Variants in CFAP57 observed in about 807,000 individuals in gnomAD.
The protein encoded by CFAP57 is cilia- and flagella-associated protein 57.
CFAP57 carries 116 observed loss-of-function variants against 146.8 expected under a neutral mutation model. That is an observed-to-expected ratio of 0.79 (90% CI 0.68 to 0.92). CFAP57 has a LOEUF of 0.92. Ranked by LOEUF, CFAP57 falls within the 40% of genes least tolerant of loss-of-function variation. The probability of loss-of-function intolerance (pLI) is 0.00; values close to 1 mark genes in which losing one functional copy is unlikely to be tolerated. For missense variants in CFAP57, 1,377 were observed against 1,527.2 expected, an observed-to-expected ratio of 0.90 and a Z score of 1.64; for synonymous variants, 518 against 552.8, an observed-to-expected ratio of 0.94 and a Z score of 0.88.
Position 43,238,893 on chromosome 1 carries a change from G to A in CFAP57, c.3405+4255G>A, listed in dbSNP as rs531162842. Among the ~76,000 whole-genome samples, 52 of 152,238 alleles carry A rather than the reference G, an allele frequency of 3.4e-4. No homozygotes were observed. Among genetic ancestry groups the A allele is most frequent in the African/African-American group, 1.1e-3 (47 of 41,544 alleles). ...CGGCCTCAGTTTCCTCACAAGGTTG[G>A]TGTAAGGATGAACTGAGGGACTGTA... On this transcript the variant is annotated intron_variant, in intron 21 of 22. Transcript: ENST00000372492. This position sits in a 1 kb window ranked among gnomAD's most constrained non-coding sequence, Gnocchi z 4.3.
chr1:43,203,711 G>A (rs2367189), intron 9 of CFAP57, among the ~76,000 whole-genome samples: 20,053 of 152,010 alleles, frequency 0.13, 1,927 homozygotes, highest in East Asian at 0.29. Context: ...CACCTGCCTT[G>A]GCCTCCCAAA....
chr1:43,202,196 AC>A (rs1644155022), intron 9 of CFAP57, among the ~76,000 whole-genome samples: 1 of 152,238 alleles, frequency 6.6e-6, no homozygotes. Context: ...AACCTTAAAT[AC>A]ATATACTGTG....
In CFAP57 at chr1:43,197,588, A is replaced by G. The variant is rs778247481; in HGVS notation, c.1158A>G (p.Pro386=). The part of the protein sequence containing the change: ...EPAHFEYLMY[P]LHSAPITGLA... ...CTCACTTTGAGTATTTGATGTATCCATTGCACTCAGCACCCATCACCGGTC... is the reference window on the plus strand; with the variant it reads ...CTCACTTTGAGTATTTGATGTATCCGTTGCACTCAGCACCCATCACCGGTC... Residue 386 remains proline, a synonymous_variant, in exon 7 of 23, where the codon CCA becomes CCG. Transcript: ENST00000372492. 7 of 1,614,030 alleles carry G rather than the reference A, an allele frequency of 4.3e-6. No individual in the cohort carries two copies. In the Admixed American group the frequency reaches 5.0e-5, roughly 12 times the overall value.
intron 15 of CFAP57, 95 bp downstream of exon 15, chr1:43,222,390 T>A: frequency 8.7e-7 from 1 of 1,143,378 alleles, no homozygotes; most frequent in Non-Finnish European, 1.2e-6. Flanking sequence ...TGCCAGGATG[T>A]GTTATACACT....
At position 43,227,005 on chromosome 1, in the gene CFAP57, A is replaced by G. The variant is rs949406946; in HGVS notation, c.2888A>G (p.Lys963Arg). The G allele has an allele frequency of 6.6e-7, 1 of 1,522,924 alleles. No individual in the cohort carries two copies. The highest frequency in any genetic ancestry group is 1.4e-5 in the African/African-American group (1 of 71,450). 94.3% of individuals were successfully genotyped at this position (1,522,924 alleles called of 1,614,324 possible). A position where few individuals can be genotyped will look rare whatever the true frequency, so the allele number is the denominator to read the frequency against. The change falls in exon 18 of 23, where the codon AAA becomes AGA. Residue 963 changes from lysine to arginine, a missense_variant. Coordinates refer to ENST00000372492, the MANE Select transcript of CFAP57 (RefSeq NM_001378189.1). ...CAGGAGAAGCGAATTTATGATCTGA[A>G]AAAGAAAAATCAAGAACTAGGGAAA... ...QDKEKRIYDL[K>R]KKNQELGKFK...
chr1:43,210,291 C>T, intron 11 of CFAP57: 11 of 1,433,576 alleles, frequency 7.7e-6, no homozygotes, highest in Non-Finnish European at 1.0e-5. Context: ...AAGATTGGCC[C>T]CTACCTCTCC....
At position 43,254,307 on chromosome 1, in the gene CFAP57, C is replaced by T; in HGVS notation, c.*116C>T. 1.1e-6 allele frequency: 1 copy of T among 881,390 alleles called. No individual in the cohort carries two copies. The highest frequency in any genetic ancestry group is 1.7e-6 in the Non-Finnish European group (1 of 585,424). The allele number at this position is 881,390 out of a possible 1,614,324, so 54.6% of individuals were successfully genotyped here. Reference sequence around the variant, plus strand: ...CCTGCAGCACTGACCCCAGCAACCTCTTTCTCTTGCCCTGGGGAATTTGGG... The same window carrying T: ...CCTGCAGCACTGACCCCAGCAACCTTTTTCTCTTGCCCTGGGGAATTTGGG... On this transcript the variant is annotated 3_prime_UTR_variant, in exon 23 of 23. Coordinates refer to ENST00000372492, the MANE Select transcript of CFAP57 (RefSeq NM_001378189.1).
chr1:43,235,033 TTC>T (rs1398213768), intron 21 of CFAP57, among the ~76,000 whole-genome samples: 1 of 152,092 alleles, frequency 6.6e-6, no homozygotes, highest in Non-Finnish European at 1.5e-5. Context: ...CTGAGCCACT[TTC>T]CCTTCTCTCT....
chr1:43,172,720 C>G lies in CFAP57; in HGVS notation c.-19-15C>G. Reference sequence around the variant, plus strand: ...GGTGCTCTCCACTCTGAAGCGCTGCCTTGGTCTTCAGCAGAACTGTTTGGC... The same window carrying G: ...GGTGCTCTCCACTCTGAAGCGCTGCGTTGGTCTTCAGCAGAACTGTTTGGC... On this transcript the variant is annotated splice_polypyrimidine_tract_variant and intron_variant, in intron 1 of 22. Transcript: ENST00000372492. 4.3e-6 allele frequency: 7 copies of G among 1,613,180 alleles called. No homozygotes were observed. Among genetic ancestry groups the G allele is most frequent in the Non-Finnish European group, 5.9e-6 (7 of 1,179,922 alleles).
rs1166515955 is a variant in CFAP57 at position 43,181,688 on chromosome 1, C to T, written c.312C>T (p.Asp104=). ...CRKRKVLNNF[D]FQVQKFISMA... ...AGCGCAAAGTTCTTAATAATTTTGACTTCCAAGTTCAGAAATTTATTAGCA... is the reference window on the plus strand; with the variant it reads ...AGCGCAAAGTTCTTAATAATTTTGATTTCCAAGTTCAGAAATTTATTAGCA... Residue 104 remains aspartate (D), a synonymous_variant, in exon 3 of 23, where the codon GAC becomes GAT. Coordinates refer to ENST00000372492, the MANE Select transcript of CFAP57 (RefSeq NM_001378189.1). 1 of 1,614,184 alleles carries T rather than the reference C, an allele frequency of 6.2e-7. No individual in the cohort carries two copies. Among genetic ancestry groups the T allele is most frequent in the South Asian group, 1.1e-5 (1 of 91,088 alleles).
intron 11 of CFAP57, among the ~76,000 whole-genome samples, chr1:43,212,947 A>AAAG (rs1553180117): frequency 3.3e-5 from 5 of 151,294 alleles, no homozygotes; most frequent in African/African-American, 4.9e-5. Flanking sequence ...AAAAAAAAAA[A>AAAG]AAAGAAAGAA....
intron 10 of CFAP57, 38 bp downstream of exon 10, chr1:43,206,970 G>C (rs753059194): frequency 6.3e-7 from 1 of 1,596,698 alleles, no homozygotes; most frequent in African/African-American, 1.3e-5. Context: ...GCTGGTGCAC[G>C]GATCTGCAGG....
rs1642979510 is a variant in CFAP57, at chr1:43,185,354, A to G, written c.967A>G (p.Arg323Gly). The G allele has an allele frequency of 1.2e-6, 2 of 1,614,032 alleles. No homozygotes were observed. The highest frequency in any genetic ancestry group is 2.7e-5 in the African/African-American group (2 of 75,022). Residue 323 changes from arginine (R) to glycine (G), a missense_variant and splice_region_variant, in exon 5 of 23, where the codon AGG becomes GGG. By Grantham distance (125) the Arg-to-Gly change is moderately radical. Coordinates refer to ENST00000372492, the MANE Select transcript of CFAP57 (RefSeq NM_001378189.1). ...KDFYRESREI[R>G]IPVDPQSNDP... ...TTTTTACCGTGAGAGCAGAGAAATC[A>G]GGGTAAGGCGGGAAGAAAAAAAAGA...
chr1:43,179,054 A>G (rs1645281640), intron 2 of CFAP57, among the ~76,000 whole-genome samples: 2 of 151,896 alleles, frequency 1.3e-5, no homozygotes, highest in Admixed American at 1.3e-4. Flanking sequence ...CAAACACCGC[A>G]TGTTCTCACT....
At chr1:43,243,075 G>A (rs1645987095) in intron 21 of CFAP57, among the ~76,000 whole-genome samples, 152 bp from the exon 22 acceptor site, 1 of 152,112 alleles carries the variant, frequency 6.6e-6, no homozygotes. Flanking sequence ...CAATAGGCTG[G>A]AATAAAGGCT....
At position 43,172,461 on chromosome 1, in the gene CFAP57, G is replaced by A. The variant is rs573575781; in HGVS notation, c.-20+8G>A. The A allele has an allele frequency of 1.9e-6, 3 of 1,543,952 alleles. No homozygotes were observed. Among genetic ancestry groups the A allele is most frequent in the South Asian group, 1.2e-5 (1 of 83,930 alleles). On this transcript the variant is annotated splice_region_variant and intron_variant, in intron 1 of 22. Transcript: ENST00000372492. ...CCCAGAGAGAAACGAAAGGTGGGAGGGGGTACCTGGGGGTCGCCAGAAGGA... is the reference window on the plus strand; with the variant it reads ...CCCAGAGAGAAACGAAAGGTGGGAGAGGGTACCTGGGGGTCGCCAGAAGGA...
At chr1:43,174,643 C>T (rs1379624267) in intron 2 of CFAP57, among the ~76,000 whole-genome samples, 1 of 152,122 alleles carries the variant, frequency 6.6e-6, no homozygotes, top group Admixed American at 6.5e-5. Flanking sequence ...TAGTGAAACC[C>T]CGTCTCTACT....
chr1:43,179,395 T>C (rs1397333369), intron 2 of CFAP57, among the ~76,000 whole-genome samples: 3 of 152,154 alleles, frequency 2.0e-5, no homozygotes, highest in African/African-American at 4.8e-5. Flanking sequence ...CTAAAACCAG[T>C]CAACATATAT....
chr1:43,229,884 G>C (rs898095973), intron 18 of CFAP57, among the ~76,000 whole-genome samples: 6 of 152,140 alleles, frequency 3.9e-5, no homozygotes, highest in Non-Finnish European at 7.4e-5. Flanking sequence ...GACCTTGCCA[G>C]AGGTCCCCTG....
Sources: gnomAD v4.1 joint callset for allele counts (sites outside exome capture counted in the v4.1 genomes callset) on GRCh38, gnomAD v4.1.1 for gene constraint, Gnocchi (gnomAD v3.1) non-coding constraint, MANE v1.5 for transcripts, NCBI Gene and HGNC (gene_info 2026-07-23, HGNC 2026-07-21) for gene names.